Variants in TSHZ2 observed in about 807,000 individuals in gnomAD.
TSHZ2 encodes teashirt zinc finger homeobox 2.
In TSHZ2, 21 loss-of-function variants were observed where a neutral mutation model predicts 74.4. The ratio of observed to expected loss-of-function variants is 0.28; its 90% CI spans 0.20 to 0.41. TSHZ2 has a LOEUF of 0.41. Among genes scored for constraint, TSHZ2 ranks in the 10% least tolerant of loss-of-function variants. The probability of loss-of-function intolerance (pLI) is 1.00; values close to 1 mark genes in which losing one functional copy is unlikely to be tolerated. For missense variants in TSHZ2, 1,244 were observed against 1,293.5 expected (o/e 0.96, Z 0.59); for synonymous variants, 540 against 515.3 (o/e 1.05, Z -0.65).
Position 52,973,266 on chromosome 20 carries a change from C to T in TSHZ2, c.-28C>T, listed in dbSNP as rs753418688. ...AGCGCGCGGCTCGGGGCTGGGGCGC[C>T]AGAAGTGGGACTGGAGCGAAGTAGA... On this transcript the variant is annotated 5_prime_UTR_variant, in exon 1 of 3. Coordinates refer to ENST00000371497, the MANE Select transcript of TSHZ2 (RefSeq NM_173485.6). The T allele has an allele frequency of 2.8e-4, 434 of 1,551,838 alleles. No homozygotes were observed. Among genetic ancestry groups the T allele is most frequent in the Non-Finnish European group, 3.7e-4 (424 of 1,147,058 alleles).
At chr20:53,479,238 G>T (rs988786773) in intron 2 of TSHZ2, among the ~76,000 whole-genome samples, 3 of 151,094 alleles carry the variant, frequency 2.0e-5, no homozygotes, top group African/African-American at 7.3e-5. Flanking sequence ...TCTCAAACTC[G>T]AGCATGTACA....
intron 1 of TSHZ2, among the ~76,000 whole-genome samples, chr20:53,155,128 C>T (rs1285066041): frequency 7.1e-6 from 1 of 141,550 alleles, no homozygotes; most frequent in Non-Finnish European, 1.5e-5. Flanking sequence ...CAAATATTTC[C>T]TGAGTGCTTC....
intron 1 of TSHZ2, among the ~76,000 whole-genome samples, chr20:53,130,683 G>T (rs1987078032): frequency 6.6e-6 from 1 of 152,290 alleles, no homozygotes; most frequent in East Asian, 1.9e-4. Flanking sequence ...GATTTCAGAG[G>T]AATGTGTATG....
Position 53,495,264 on chromosome 20 carries a change from A to T in TSHZ2, c.*8129A>T, listed in dbSNP as rs1986552507. On this transcript the variant is annotated 3_prime_UTR_variant, in exon 3 of 3. Coordinates refer to ENST00000371497, the MANE Select transcript of TSHZ2 (RefSeq NM_173485.6). ...GAAGTGCTCTTTTTATGCTTTCTGG[A>T]GATGTTACTGTTAAATGTCTTTCTA... The T allele has an allele frequency of 6.6e-6, 1 of 152,220 alleles. No homozygotes were observed. Among genetic ancestry groups the T allele is most frequent in the South Asian group, 2.1e-4 (1 of 4,828 alleles). 9.4% of individuals were successfully genotyped at this position (152,220 alleles called of 1,614,324 possible). A position where few individuals can be genotyped will look rare whatever the true frequency, so the allele number is the denominator to read the frequency against.
At chr20:53,385,107 A>G (rs888618088) in intron 2 of TSHZ2, among the ~76,000 whole-genome samples, 1 of 152,302 alleles carries the variant, frequency 6.6e-6, no homozygotes, top group Non-Finnish European at 1.5e-5. Context: ...GGGACAGGGC[A>G]AGACTCCGTC....
chr20:53,190,838 T>A (rs1016893505), intron 1 of TSHZ2, among the ~76,000 whole-genome samples: 1 of 152,184 alleles, frequency 6.6e-6, no homozygotes, highest in East Asian at 1.9e-4. Flanking sequence ...GGCATCACCC[T>A]ACCGAGGGCA....
chr20:53,347,914 G>A (rs1435373161), intron 2 of TSHZ2, among the ~76,000 whole-genome samples: 2 of 151,984 alleles, frequency 1.3e-5, no homozygotes, highest in African/African-American at 2.4e-5. Context: ...TGCCACTATC[G>A]AGTTTCAGAA....
At chr20:52,994,481 A>G (rs1188714980) in intron 1 of TSHZ2, among the ~76,000 whole-genome samples, 2 of 145,718 alleles carry the variant, frequency 1.4e-5, no homozygotes. Context: ...TGAATAAATG[A>G]ATGCATAAAG....
In TSHZ2 at chr20:53,270,860, T is replaced by C. The variant is rs115024003; in HGVS notation, c.*8+14289T>C. On this transcript the variant is annotated intron_variant, in intron 2 of 2. Transcript: ENST00000371497. The stretch of plus-strand genomic sequence containing the variant: ...TACATTTCTCAATTTCACAGTCAAA[T>C]AATTCTATTTTTGTTCACCAGAGGA... Among the ~76,000 whole-genome samples the C allele has an allele frequency of 7.0e-3, 1,073 of 152,316 alleles. 9 individuals are homozygous for C. Among genetic ancestry groups the C allele is most frequent in the African/African-American group, 0.025 (1,045 of 41,558 alleles).
intron 1 of TSHZ2, among the ~76,000 whole-genome samples, chr20:53,107,733 A>G (rs1392729267): frequency 6.6e-6 from 1 of 152,176 alleles, no homozygotes; most frequent in Non-Finnish European, 1.5e-5. Flanking sequence ...GGGAGACCGT[A>G]TCTTCATGTC....
chr20:53,260,170 G>A (rs1256785315), intron 2 of TSHZ2, among the ~76,000 whole-genome samples: 1 of 152,032 alleles, frequency 6.6e-6, no homozygotes, highest in Non-Finnish European at 1.5e-5. Context: ...TTTAACAATG[G>A]AAGTATAATA....
chr20:53,046,210 C>T (rs975855637), intron 1 of TSHZ2, among the ~76,000 whole-genome samples: 14 of 152,184 alleles, frequency 9.2e-5, no homozygotes, highest in African/African-American at 3.1e-4. Context: ...ACCGCAAGCT[C>T]TAGCCTTGAA....
At chr20:53,008,867 C>T (rs994279869) in intron 1 of TSHZ2, among the ~76,000 whole-genome samples, 1 of 152,000 alleles carries the variant, frequency 6.6e-6, no homozygotes, top group Non-Finnish European at 1.5e-5. Flanking sequence ...TACAAATATA[C>T]CTGTGCTAAA....
chr20:53,211,050 C>G (rs1336056043), intron 1 of TSHZ2, among the ~76,000 whole-genome samples: 1 of 152,138 alleles, frequency 6.6e-6, no homozygotes, highest in East Asian at 1.9e-4. Context: ...ATAATAAAAA[C>G]AGCAGCAGCA....
chr20:53,040,097 T>C (rs1393229790), intron 1 of TSHZ2, among the ~76,000 whole-genome samples: 1 of 152,032 alleles, frequency 6.6e-6, no homozygotes, highest in Non-Finnish European at 1.5e-5. Context: ...AGAGCAAGAC[T>C]CCGTCTAAAA....
At chr20:53,414,918 T>C (rs1983182725) in intron 2 of TSHZ2, among the ~76,000 whole-genome samples, 1 of 152,142 alleles carries the variant, frequency 6.6e-6, no homozygotes, top group Admixed American at 6.6e-5. Context: ...TCATTCTTTT[T>C]TCAGATGGAC....
chr20:53,116,596 A>G (rs1986674694), intron 1 of TSHZ2, among the ~76,000 whole-genome samples: 1 of 152,186 alleles, frequency 6.6e-6, no homozygotes, highest in African/African-American at 2.4e-5. Context: ...TGCAGTGTGA[A>G]TAGTGTCCCC....
At chr20:53,164,449 A>G (rs1342932553) in intron 1 of TSHZ2, among the ~76,000 whole-genome samples, 3 of 151,946 alleles carry the variant, frequency 2.0e-5, no homozygotes, top group Admixed American at 2.0e-4. Context: ...GAATATACAT[A>G]GGGGTTGAAA....
chr20:53,247,157 C>T (rs1052852067), intron 1 of TSHZ2, among the ~76,000 whole-genome samples: 2 of 152,218 alleles, frequency 1.3e-5, no homozygotes, highest in Non-Finnish European at 2.9e-5. Context: ...CCGTATATAT[C>T]AGTAACACTT....
Sources: allele counts gnomAD v4.1 joint callset (sites outside exome capture counted in the v4.1 genomes callset), GRCh38; gene constraint gnomAD v4.1.1; transcripts MANE v1.5; gene names NCBI Gene and HGNC (gene_info 2026-07-23, HGNC 2026-07-21).